ZBTB40: variants seen among roughly 807,000 people sequenced by gnomAD.
The protein encoded by ZBTB40 is zinc finger and BTB domain containing 40.
ZBTB40 carries 60 observed loss-of-function variants against 117.5 expected under a neutral mutation model. The ratio of observed to expected loss-of-function variants is 0.51; its 90% CI spans 0.41 to 0.63. ZBTB40 has a LOEUF of 0.63. Ranked by LOEUF, ZBTB40 falls within the 30% of genes least tolerant of loss-of-function variation. The pLI, the probability that ZBTB40 is intolerant of heterozygous loss-of-function variation, is 0.00. For missense variants in ZBTB40, 1,287 were observed against 1,498.5 expected, an observed-to-expected ratio of 0.86 and a Z score of 2.33; for synonymous variants, 525 against 577.1, an observed-to-expected ratio of 0.91 and a Z score of 1.29.
chr1:22,457,818 G>A (rs915885412), intron 1 of ZBTB40, among the ~76,000 whole-genome samples: 2 of 152,114 alleles, frequency 1.3e-5, no homozygotes, highest in East Asian at 1.9e-4. Context: ...TGCTAATTTC[G>A]TCCTATTTCT....
chr1:22,522,812 C>T (rs1639570672), intron 16 of ZBTB40, among the ~76,000 whole-genome samples: 1 of 151,566 alleles, frequency 6.6e-6, no homozygotes, highest in Non-Finnish European at 1.5e-5. Context: ...GTCACCCAGC[C>T]TGGAGTGCAG....
rs1015221816 is a variant in ZBTB40, at chr1:22,445,864, A to C, written c.-70+16850A>C. Among the ~76,000 whole-genome samples, 17 of 152,130 alleles carry C rather than the reference A, an allele frequency of 1.1e-4. No homozygotes were observed. In the East Asian group the frequency reaches 1.7e-3, roughly 16 times the overall value. On this transcript the variant is annotated intron_variant, in intron 1 of 8. Transcript: ENST00000650433. Reference sequence around the variant, plus strand: ...CGCAAGACTCCGTCTCAAAAAAAAAAAAAAAACAAAAAACTGAAACAACTA... The same window carrying C: ...CGCAAGACTCCGTCTCAAAAAAAAACAAAAAACAAAAAACTGAAACAACTA...
Position 22,526,213 on chromosome 1 carries a change from C to G in ZBTB40, c.3537C>G (p.Thr1179=), listed in dbSNP as rs753403052. The part of the protein sequence containing the change: ...AASQMAQVIQ[T]PEPVAPTEQV... ...TCTTTCTCTTTCAGGTGATCCAAAC[C>G]CCAGAGCCGGTGGCCCCGACAGAGC... Residue 1179 remains threonine (T), a synonymous_variant, in exon 18 of 18, where the codon ACC becomes ACG. Coordinates refer to ENST00000375647, the MANE Select transcript of ZBTB40 (RefSeq NM_014870.4). The G allele has an allele frequency of 2.5e-6, 4 of 1,614,048 alleles. No individual in the cohort carries two copies. The Admixed American group carries it at 5.0e-5, about 20-fold the overall frequency.
rs41307777 is a variant in ZBTB40, at chr1:22,529,321, G to A, written c.*2925G>A. ...TGGACTGAACTCTGGGGCCTTTGGG[G>A]TGGTGTGAAGGAGTCTGTGGGCTTC... is the stretch of plus-strand genomic sequence containing the variant. On this transcript the variant is annotated 3_prime_UTR_variant, in exon 18 of 18. Coordinates refer to ENST00000375647, the MANE Select transcript of ZBTB40 (RefSeq NM_014870.4). 0.012 allele frequency: 1,876 copies of A among 152,542 alleles called. 17 individuals are homozygous for A. The highest frequency in any genetic ancestry group is 0.019 in the Non-Finnish European group (1,319 of 68,172). The allele number at this position is 152,542 out of a possible 1,614,324, so 9.4% of individuals were successfully genotyped here.
intron 1 of ZBTB40, among the ~76,000 whole-genome samples, chr1:22,485,549 A>C (rs1325408983): frequency 1.3e-5 from 2 of 152,026 alleles, no homozygotes; most frequent in Non-Finnish European, 2.9e-5. Flanking sequence ...ACATTTGAAA[A>C]CTATATGCCT....
chr1:22,524,693 A>G (rs938627108), intron 17 of ZBTB40, among the ~76,000 whole-genome samples: 2 of 152,216 alleles, frequency 1.3e-5, no homozygotes, highest in Non-Finnish European at 1.5e-5. Context: ...CTCCCAGTGC[A>G]TACGTCCCTG....
At chr1:22,435,802 A>G (rs1417746465) in intron 1 of ZBTB40, among the ~76,000 whole-genome samples, 1 of 152,236 alleles carries the variant, frequency 6.6e-6, no homozygotes, top group Non-Finnish European at 1.5e-5. Flanking sequence ...TATTCATAAT[A>G]CATACATATG....
At chr1:22,479,778 C>T (rs1049068252) in intron 1 of ZBTB40, among the ~76,000 whole-genome samples, 3 of 152,094 alleles carry the variant, frequency 2.0e-5, no homozygotes, top group African/African-American at 7.2e-5. Context: ...TTCATATTTT[C>T]TTTTTAACTG....
rs773345346 is a variant in ZBTB40 at position 22,511,714 on chromosome 1, A to G, written c.2041A>G (p.Lys681Glu). 1 of 1,608,942 alleles carries G rather than the reference A, an allele frequency of 6.2e-7. No individual in the cohort carries two copies. Among genetic ancestry groups the G allele is most frequent in the Non-Finnish European group, 8.5e-7 (1 of 1,178,722 alleles). The change falls in exon 11 of 18, where the codon AAG becomes GAG. Residue 681 changes from lysine (K) to glutamate (E), a missense_variant. Transcript: ENST00000375647. Reference sequence around the variant, plus strand: ...GGAAGATGGAGAGAAGGAAACGTGGAAGGTGAGTAATAAATTTCACCTTGA... The same window carrying G: ...GGAAGATGGAGAGAAGGAAACGTGGGAGGTGAGTAATAAATTTCACCTTGA... ...TKEDGEKETW[K>E]VSNKFHLEAN...
chr1:22,520,648 G>A (rs537223869), intron 14 of ZBTB40, among the ~76,000 whole-genome samples: 10 of 152,268 alleles, frequency 6.6e-5, no homozygotes, highest in African/African-American at 9.6e-5. Flanking sequence ...TACCTTGTTT[G>A]GCACAATTAG....
rs768093091 is a variant in ZBTB40 at position 22,508,072 on chromosome 1, A to G, written c.1432A>G (p.Thr478Ala). ...TCATGAAAACCTCTCTGAGATTTTCACAGACAACCAGATTTTATTAAAGAT... is the reference window on the plus strand; with the variant it reads ...TCATGAAAACCTCTCTGAGATTTTCGCAGACAACCAGATTTTATTAAAGAT... ...RYHENLSEIF[T>A]DNQILLKMIS... Residue 478 changes from threonine (T) to alanine (A), a missense_variant, in exon 7 of 18, where the codon ACA (threonine) becomes GCA (alanine). By Grantham distance (58) the Thr-to-Ala change is moderately conservative (BLOSUM62 0). Transcript: ENST00000375647. 2.5e-6 allele frequency: 4 copies of G among 1,614,108 alleles called. No individual in the cohort carries two copies. The African/African-American group carries it at 5.3e-5, about 22-fold the overall frequency.
intron 3 of ZBTB40, among the ~76,000 whole-genome samples, chr1:22,496,164 T>G (rs1381214524): frequency 6.6e-6 from 1 of 152,118 alleles, no homozygotes; most frequent in African/African-American, 2.4e-5. Flanking sequence ...AGGTTGAAAA[T>G]TGTTTTTATT....
intron 12 of ZBTB40, among the ~76,000 whole-genome samples, chr1:22,515,748 A>G (rs1337800407): frequency 6.6e-6 from 1 of 152,232 alleles, no homozygotes; most frequent in African/African-American, 2.4e-5. Context: ...CATGTATGGT[A>G]ACATACACAC....
chr1:22,503,496 C>G (rs907035446), intron 5 of ZBTB40, among the ~76,000 whole-genome samples: 1 of 152,058 alleles, frequency 6.6e-6, no homozygotes, highest in Non-Finnish European at 1.5e-5. Context: ...CTTAAGTGTT[C>G]AGGAGAGAAA....
chr1:22,454,704 C>G (rs1640964818), intron 1 of ZBTB40, among the ~76,000 whole-genome samples: 1 of 152,242 alleles, frequency 6.6e-6, no homozygotes, highest in Non-Finnish European at 1.5e-5. Flanking sequence ...AACCCAGCTA[C>G]TACTGAGAGA....
rs1424708374 is a variant in ZBTB40 at position 22,511,834 on chromosome 1, C to G, written c.2161C>G (p.Gln721Glu). Residue 721 changes from glutamine (Q) to glutamate (E), a missense_variant, in exon 11 of 18, where the codon CAA (glutamine) becomes GAA (glutamate). Transcript: ENST00000375647. ...QGETGSLPGQ[Q>E]EKEASASPDP... ...AGAGACTGGTTCCTTGCCAGGACAG[C>G]AAGAGAAAGAGGCTTCAGCCTCCCC... 3 of 1,614,028 alleles carry G rather than the reference C, an allele frequency of 1.9e-6. No individual in the cohort carries two copies. The highest frequency in any genetic ancestry group is 2.5e-6 in the Non-Finnish European group (3 of 1,180,030).
chr1:22,499,465 T>C (rs1056411970), intron 3 of ZBTB40, among the ~76,000 whole-genome samples: 13 of 152,320 alleles, frequency 8.5e-5, no homozygotes, highest in Non-Finnish European at 1.8e-4. Context: ...CCTACTGCTG[T>C]CAGTGAAAAG....
chr1:22,497,536 A>G (rs1166689000), intron 3 of ZBTB40, among the ~76,000 whole-genome samples: 3 of 152,240 alleles, frequency 2.0e-5, no homozygotes, highest in Non-Finnish European at 4.4e-5. Context: ...CATAGATAGA[A>G]GGGCTAATGG....
intron 1 of ZBTB40, among the ~76,000 whole-genome samples, chr1:22,468,853 G>T (rs1454887841): frequency 2.0e-5 from 3 of 151,542 alleles, no homozygotes; most frequent in African/African-American, 7.3e-5. Context: ...TAGGGACAGG[G>T]TCTTGCTCTA....
Sources: gnomAD v4.1 joint callset for allele counts (sites outside exome capture counted in the v4.1 genomes callset) on GRCh38, gnomAD v4.1.1 for gene constraint, MANE v1.5 for transcripts, NCBI Gene and HGNC (gene_info 2026-07-23, HGNC 2026-07-21) for gene names.